Variants in MAGI1 observed in about 807,000 individuals in gnomAD.
MAGI1 encodes membrane-associated guanylate kinase, WW and PDZ domain-containing protein 1.
In MAGI1, 58 loss-of-function variants were observed where a neutral mutation model predicts 139.9. The ratio of observed to expected loss-of-function variants is 0.41; its 90% CI spans 0.34 to 0.52. The LOEUF is 0.52. Among genes scored for constraint, MAGI1 ranks in the 20% least tolerant of loss-of-function variants. The pLI, the probability that MAGI1 is intolerant of heterozygous loss-of-function variation, is 0.12. For missense variants in MAGI1, 1,874 were observed against 1,901.6 expected, an observed-to-expected ratio of 0.99 and a Z score of 0.27; for synonymous variants, 812 against 737.9, an observed-to-expected ratio of 1.10 and a Z score of -1.63.
At chr3:65,523,576 T>C (rs767242252) in intron 2 of MAGI1, among the ~76,000 whole-genome samples, 2 of 152,190 alleles carry the variant, frequency 1.3e-5, no homozygotes, top group African/African-American at 2.4e-5. Context: ...CTAGTCTCTG[T>C]TTCACATGCA....
chr3:65,726,260 C>T (rs77554090), intron 1 of MAGI1, among the ~76,000 whole-genome samples: 8,039 of 152,094 alleles, frequency 0.053, 282 homozygotes, highest in Middle Eastern at 0.088. Flanking sequence ...TATAAAACAC[C>T]TTGGCTTAAT....
intron 1 of MAGI1, among the ~76,000 whole-genome samples, chr3:65,976,059 G>A (rs550238050): frequency 1.6e-4 from 24 of 152,232 alleles, no homozygotes; most frequent in African/African-American, 4.8e-4. Context: ...GTTGTCCTTT[G>A]CAAGTGTTTC....
At chr3:65,896,220 T>G (rs1365225861) in intron 1 of MAGI1, among the ~76,000 whole-genome samples, 1 of 151,972 alleles carries the variant, frequency 6.6e-6, no homozygotes, top group African/African-American at 2.4e-5. Flanking sequence ...GGAAGAAAAC[T>G]GAAGTCCCAG....
chr3:65,459,917 C>T (rs542451294), intron 5 of MAGI1, among the ~76,000 whole-genome samples: 5 of 151,958 alleles, frequency 3.3e-5, no homozygotes, highest in Non-Finnish European at 5.9e-5. Context: ...AGGAGTGAGA[C>T]CCTGTCTCAA....
At chr3:65,485,705 C>T (rs759299488) in intron 3 of MAGI1, among the ~76,000 whole-genome samples, 26 of 152,094 alleles carry the variant, frequency 1.7e-4, no homozygotes, top group African/African-American at 4.3e-4. Context: ...AGTGTCACTA[C>T]GCATATATTC....
chr3:65,500,981 C>T (rs1390594795), intron 2 of MAGI1, among the ~76,000 whole-genome samples: 1 of 152,192 alleles, frequency 6.6e-6, no homozygotes, highest in East Asian at 1.9e-4. Flanking sequence ...TCATGCAGTT[C>T]ATTCTTTAGC....
chr3:65,734,481 G>C (rs2034508012), intron 1 of MAGI1, among the ~76,000 whole-genome samples: 2 of 143,200 alleles, frequency 1.4e-5, no homozygotes, highest in South Asian at 4.4e-4. Context: ...AAAGAAAGAA[G>C]AGAAAGAAAG....
intron 1 of MAGI1, among the ~76,000 whole-genome samples, chr3:65,940,279 G>A (rs1163498195): frequency 6.6e-6 from 1 of 152,194 alleles, no homozygotes; most frequent in Non-Finnish European, 1.5e-5. Context: ...ATTAGGGGAT[G>A]TTTTAGTCCG....
intron 18 of MAGI1, among the ~76,000 whole-genome samples, chr3:65,372,268 C>T (rs1252356301): frequency 6.6e-6 from 1 of 152,220 alleles, no homozygotes; most frequent in Non-Finnish European, 1.5e-5. Context: ...TTTCCTTGTA[C>T]ATTTCCATTA....
At chr3:65,943,467 CG>C (rs2063406856) in intron 1 of MAGI1, among the ~76,000 whole-genome samples, 1 of 150,878 alleles carries the variant, frequency 6.6e-6, no homozygotes, top group African/African-American at 2.4e-5. Flanking sequence ...CCCGGCTAGT[CG>C]GGAGGCTGAG....
intron 1 of MAGI1, among the ~76,000 whole-genome samples, chr3:65,669,872 G>A (rs532504166): frequency 2.6e-5 from 4 of 152,128 alleles, no homozygotes; most frequent in African/African-American, 7.2e-5. Flanking sequence ...TGCTGTTGTC[G>A]GTCCCTTTCA....
intron 2 of MAGI1, among the ~76,000 whole-genome samples, chr3:65,600,967 T>C (rs2082454826): frequency 6.6e-6 from 1 of 152,148 alleles, no homozygotes; most frequent in African/African-American, 2.4e-5. Flanking sequence ...GACTCTACTT[T>C]TTCACCTGTA....
intron 22 of MAGI1, chr3:65,359,684 A>C (rs1484815568): frequency 3.0e-6 from 3 of 987,338 alleles, no homozygotes; most frequent in Non-Finnish European, 3.6e-6. Flanking sequence ...AGTCCAAGTG[A>C]CGCATGGAGA....
chr3:65,527,093 A>C (rs1359763266), intron 2 of MAGI1, among the ~76,000 whole-genome samples: 1 of 152,246 alleles, frequency 6.6e-6, no homozygotes, highest in Non-Finnish European at 1.5e-5. Context: ...TTGACTTCTC[A>C]AACAGCCAAC....
chr3:65,884,911 T>C (rs2060472721), intron 1 of MAGI1, among the ~76,000 whole-genome samples: 1 of 152,084 alleles, frequency 6.6e-6, no homozygotes, highest in African/African-American at 2.4e-5. Context: ...AACCTAAAGA[T>C]CTAAAACCAA....
chr3:65,619,227 T>C (rs1276585234), intron 2 of MAGI1, among the ~76,000 whole-genome samples: 2 of 152,156 alleles, frequency 1.3e-5, no homozygotes, highest in African/African-American at 2.4e-5. Flanking sequence ...TTTGAGAAAG[T>C]TCAATTTTGT....
chr3:65,625,242 T>C (rs1004926455), intron 1 of MAGI1, among the ~76,000 whole-genome samples: 3 of 152,194 alleles, frequency 2.0e-5, no homozygotes, highest in South Asian at 4.1e-4. Context: ...CAGAACTGTA[T>C]ACATAAAACA....
intron 18 of MAGI1, among the ~76,000 whole-genome samples, chr3:65,370,966 A>C (rs764269820): frequency 7.2e-5 from 11 of 152,072 alleles, no homozygotes; most frequent in Non-Finnish European, 1.5e-4. Flanking sequence ...TGTGTATTTT[A>C]TTAAATTAAG....
At chr3:65,843,408 C>G (rs1313678640) in intron 1 of MAGI1, among the ~76,000 whole-genome samples, 1 of 152,154 alleles carries the variant, frequency 6.6e-6, no homozygotes, top group Non-Finnish European at 1.5e-5. Context: ...ACCTGAAGCT[C>G]AGGATCCCAA....
Sources: allele counts gnomAD v4.1 joint callset (sites outside exome capture counted in the v4.1 genomes callset), GRCh38; gene constraint gnomAD v4.1.1; transcripts MANE v1.5; gene names NCBI Gene and HGNC (gene_info 2026-07-23, HGNC 2026-07-21).